XYLT1: variants seen among roughly 807,000 people sequenced by gnomAD.
The protein encoded by XYLT1 is beta-D-xylosyltransferase 1.
XYLT1 carries 36 observed loss-of-function variants against 91.3 expected under a neutral mutation model. The observed-to-expected ratio is 0.39, with a 90% confidence interval of 0.30 to 0.52. The LOEUF (loss-of-function observed/expected upper bound fraction) is 0.52, where lower values mean the gene tolerates loss of function less well. XYLT1 is among the 20% of genes least tolerant of loss of function. The pLI, the probability that XYLT1 is intolerant of heterozygous loss-of-function variation, is 0.68. For missense variants in XYLT1, 1,242 were observed against 1,284.5 expected, an observed-to-expected ratio of 0.97 and a Z score of 0.51; for synonymous variants, 588 against 532.0, an observed-to-expected ratio of 1.11 and a Z score of -1.45.
chr16:17,469,568 C>T (rs2141968658), intron 1 of XYLT1, among the ~76,000 whole-genome samples: 1 of 152,300 alleles, frequency 6.6e-6, no homozygotes, highest in East Asian at 1.9e-4. Flanking sequence ...GTTCCCCACC[C>T]AGCCACCCAG....
chr16:17,362,583 G>C (rs1235271665), intron 1 of XYLT1, among the ~76,000 whole-genome samples: 1 of 152,234 alleles, frequency 6.6e-6, no homozygotes, highest in African/African-American at 2.4e-5. Context: ...AGACCAAGAA[G>C]CCAGGCTCAA....
At chr16:17,161,995 T>A (rs910478472) in intron 5 of XYLT1, among the ~76,000 whole-genome samples, 1 of 152,112 alleles carries the variant, frequency 6.6e-6, no homozygotes, top group Non-Finnish European at 1.5e-5. Flanking sequence ...AATAAAAAAA[T>A]GAGTAATACA....
chr16:17,247,759 C>G (rs1267439867), intron 3 of XYLT1, among the ~76,000 whole-genome samples: 1 of 152,206 alleles, frequency 6.6e-6, no homozygotes, highest in East Asian at 1.9e-4. Flanking sequence ...GCCCAGGACA[C>G]TGAGTCTATG....
chr16:17,169,616 C>T (rs578134328), intron 5 of XYLT1, among the ~76,000 whole-genome samples: 1 of 151,000 alleles, frequency 6.6e-6, no homozygotes, highest in South Asian at 2.1e-4. Flanking sequence ...ACCCAGGACG[C>T]CACCGGAATC....
chr16:17,288,952 A>T (rs573697615), intron 2 of XYLT1, among the ~76,000 whole-genome samples: 36 of 152,294 alleles, frequency 2.4e-4, no homozygotes, highest in African/African-American at 8.7e-4. Flanking sequence ...CAATAAATAG[A>T]TTTTTTTAAA....
chr16:17,350,233 C>T (rs922361454), intron 2 of XYLT1, among the ~76,000 whole-genome samples: 11 of 152,296 alleles, frequency 7.2e-5, no homozygotes, highest in East Asian at 1.9e-4. Context: ...TCAATGTCTT[C>T]GGTGAAGTCC....
At chr16:17,121,321 C>T (rs1465576318) in intron 10 of XYLT1, among the ~76,000 whole-genome samples, 2 of 152,094 alleles carry the variant, frequency 1.3e-5, no homozygotes, top group African/African-American at 4.8e-5. Flanking sequence ...TGACAAACAA[C>T]CTGGATCTTG....
rs116741492 is a variant in XYLT1 at position 17,435,133 on chromosome 16, C to T, written c.363+35301G>A. ...GCCTTCTGCGTACATGGTTCAGGTC[C>T]GGCGTGGCACGCACCATATGCAAGA... On this transcript the variant is annotated intron_variant, in intron 1 of 11. Coordinates refer to ENST00000261381, the MANE Select transcript of XYLT1 (RefSeq NM_022166.4). Among the ~76,000 whole-genome samples, 887 of 152,284 alleles carry T rather than the reference C, an allele frequency of 5.8e-3. 11 individuals carry two copies. Among genetic ancestry groups the T allele is most frequent in the African/African-American group, 0.02 (818 of 41,556 alleles).
intron 1 of XYLT1, among the ~76,000 whole-genome samples, chr16:17,360,537 T>A (rs557702880): frequency 3.3e-5 from 5 of 152,308 alleles, no homozygotes; most frequent in African/African-American, 1.2e-4. Context: ...GGGAAGAAGA[T>A]AAAGTCCTCA....
intron 7 of XYLT1, among the ~76,000 whole-genome samples, chr16:17,139,736 A>G (rs1186250108): frequency 6.6e-6 from 1 of 152,224 alleles, no homozygotes; most frequent in African/African-American, 2.4e-5. Flanking sequence ...AATTCCCTGC[A>G]ATATAATGGA....
chr16:17,444,697 C>A (rs1300886209), intron 1 of XYLT1, among the ~76,000 whole-genome samples: 2 of 151,958 alleles, frequency 1.3e-5, no homozygotes, highest in African/African-American at 4.8e-5. Flanking sequence ...AGTAGATGCT[C>A]AATAAATATT....
Position 17,254,996 on chromosome 16 carries a change from CTTTTTTT to C in XYLT1, c.913+3985_913+3991del, listed in dbSNP as rs34553607. ...CTTTCTTTTTCCTTTTTTTCTTTTT[CTTTTTTT>C]TTTTTTTTTTTGAGATGGAGTCTTG... On this transcript the variant is annotated intron_variant, in intron 3 of 11. Coordinates refer to ENST00000261381, the MANE Select transcript of XYLT1 (RefSeq NM_022166.4). Among the ~76,000 whole-genome samples, 11 of 113,354 alleles carry C rather than the reference CTTTTTTT, an allele frequency of 9.7e-5. No homozygotes were observed. In the East Asian group the frequency reaches 1.3e-3, roughly 14 times the overall value. 74.4% of individuals were successfully genotyped at this position (113,354 alleles called of 152,430 possible).
intron 2 of XYLT1, among the ~76,000 whole-genome samples, chr16:17,281,539 A>G (rs1366098240): frequency 6.6e-6 from 1 of 152,220 alleles, no homozygotes; most frequent in African/African-American, 2.4e-5. Context: ...CCTAAAATTC[A>G]AACAAAAGGA....
intron 3 of XYLT1, among the ~76,000 whole-genome samples, chr16:17,204,427 TG>T (rs1034889824): frequency 7.1e-6 from 1 of 140,790 alleles, no homozygotes; most frequent in Non-Finnish European, 1.5e-5. Context: ...GCAAAGAGAA[TG>T]GGGAACAAAA....
At chr16:17,418,720 T>G (rs2036210770) in intron 1 of XYLT1, among the ~76,000 whole-genome samples, 2 of 152,076 alleles carry the variant, frequency 1.3e-5, no homozygotes, top group Admixed American at 6.6e-5. Flanking sequence ...TGGTGGTGAA[T>G]GCCTGTAGTC....
intron 3 of XYLT1, among the ~76,000 whole-genome samples, chr16:17,214,635 A>C (rs905009649): frequency 2.6e-5 from 4 of 152,150 alleles, no homozygotes; most frequent in Non-Finnish European, 4.4e-5. Flanking sequence ...CCATTCTGGG[A>C]GTGAAAAATA....
intron 11 of XYLT1, among the ~76,000 whole-genome samples, chr16:17,115,634 A>G (rs1966850493): frequency 6.6e-6 from 1 of 151,612 alleles, no homozygotes; most frequent in South Asian, 2.1e-4. Flanking sequence ...GCCGGCCACC[A>G]CACTCGGCTA....
chr16:17,111,200 G>T (rs1362636081), intron 11 of XYLT1, among the ~76,000 whole-genome samples: 5 of 152,012 alleles, frequency 3.3e-5, no homozygotes, highest in Admixed American at 2.0e-4. Flanking sequence ...GCATAAATGG[G>T]TTAAACAGTA....
chr16:17,159,799 C>T (rs983876668), intron 5 of XYLT1, among the ~76,000 whole-genome samples: 27 of 152,188 alleles, frequency 1.8e-4, no homozygotes, highest in Admixed American at 4.6e-4. Flanking sequence ...ACAGCTAATC[C>T]GCTTGCGCAT....
Sources: gnomAD v4.1 joint callset for allele counts (sites outside exome capture counted in the v4.1 genomes callset) on GRCh38, gnomAD v4.1.1 for gene constraint, MANE v1.5 for transcripts, NCBI Gene and HGNC (gene_info 2026-07-23, HGNC 2026-07-21) for gene names.